Variants in KCNB2 observed in about 807,000 individuals in gnomAD.
The protein encoded by KCNB2 is delayed rectifier potassium channel protein.
In KCNB2, 15 loss-of-function variants were observed where a neutral mutation model predicts 61.5. The observed-to-expected ratio is 0.24, with a 90% CI of 0.16 to 0.38. The LOEUF (loss-of-function observed/expected upper bound fraction) is 0.38, where lower values mean the gene tolerates loss of function less well. KCNB2 is among the 10% of genes least tolerant of loss of function. KCNB2 has a pLI of 1.00. For missense variants in KCNB2, 828 were observed against 1,125.2 expected (o/e 0.74, Z 3.78); for synonymous variants, 457 against 446.0 (o/e 1.02, Z -0.31).
chr8:72,870,573 G>A (rs891018890), intron 2 of KCNB2, among the ~76,000 whole-genome samples: 1 of 152,016 alleles, frequency 6.6e-6, no homozygotes, highest in South Asian at 2.1e-4. Flanking sequence ...ACAGTATAGG[G>A]TAAGGGTTCA....
At chr8:72,745,940 A>T (rs1201964569) in intron 2 of KCNB2, among the ~76,000 whole-genome samples, 5 of 152,172 alleles carry the variant, frequency 3.3e-5, no homozygotes, top group Non-Finnish European at 7.4e-5. Context: ...AAGGGTTTAG[A>T]GGCTACCTCC....
chr8:72,720,797 ACTCAAT>A (rs1222467791), intron 2 of KCNB2, among the ~76,000 whole-genome samples: 1 of 152,214 alleles, frequency 6.6e-6, no homozygotes, highest in Non-Finnish European at 1.5e-5. Context: ...ATGCCACGGT[ACTCAAT>A]CTCAATAACA....
chr8:72,701,683 C>G (rs1418921152), intron 2 of KCNB2, among the ~76,000 whole-genome samples: 1 of 152,062 alleles, frequency 6.6e-6, no homozygotes, highest in Non-Finnish European at 1.5e-5. Flanking sequence ...TGCATGAGTT[C>G]AAGTGTACAG....
At chr8:72,720,292 A>G (rs1289085668) in intron 2 of KCNB2, among the ~76,000 whole-genome samples, 1 of 152,196 alleles carries the variant, frequency 6.6e-6, no homozygotes, top group African/African-American at 2.4e-5. Flanking sequence ...GGTCATGTAT[A>G]GAAGACATGT....
At chr8:72,575,156 A>G (rs575348701) in intron 2 of KCNB2, among the ~76,000 whole-genome samples, 1 of 152,282 alleles carries the variant, frequency 6.6e-6, no homozygotes, top group Admixed American at 6.5e-5. Flanking sequence ...TCATCTGATA[A>G]ATACATGAAA....
At chr8:72,647,756 T>C (rs1806152543) in intron 2 of KCNB2, among the ~76,000 whole-genome samples, 1 of 152,138 alleles carries the variant, frequency 6.6e-6, no homozygotes, top group South Asian at 2.1e-4. Context: ...TCAGTGTACA[T>C]ACAATTAAGG....
chr8:72,665,077 T>C (rs183220570), intron 2 of KCNB2, among the ~76,000 whole-genome samples: 1 of 152,310 alleles, frequency 6.6e-6, no homozygotes, highest in African/African-American at 2.4e-5. Flanking sequence ...ATTTACTCCA[T>C]ATCAGCTGGA....
intron 2 of KCNB2, among the ~76,000 whole-genome samples, chr8:72,577,305 ATGTG>A (rs35626904): frequency 6.7e-6 from 1 of 150,284 alleles, no homozygotes; most frequent in South Asian, 2.1e-4. Flanking sequence ...GTGTGTGTGT[ATGTG>A]TGTGTGTGTG....
chr8:72,616,054 A>G (rs1265313118), intron 2 of KCNB2, among the ~76,000 whole-genome samples: 4 of 151,974 alleles, frequency 2.6e-5, no homozygotes, highest in Admixed American at 6.6e-5. Context: ...TTGACAAGGG[A>G]AAAAAAAGCT....
At position 72,937,164 on chromosome 8, in the gene KCNB2, C is replaced by G; in HGVS notation, c.1809C>G (p.Ile603Met). 1 of 1,614,110 alleles carries G rather than the reference C, an allele frequency of 6.2e-7. No individual in the cohort carries two copies. Among genetic ancestry groups the G allele is most frequent in the Non-Finnish European group, 8.5e-7 (1 of 1,180,008 alleles). The change falls in exon 3 of 3, where the codon ATC becomes ATG. Residue 603 changes from isoleucine (I) to methionine (M), a missense_variant. By Grantham distance (10) the Ile-to-Met change is conservative. Around this residue, in one of 4 missense-constraint regions of KCNB2, gnomAD observed 559 missense variants for 588.4 expected, o/e 0.95. Coordinates refer to ENST00000523207, the MANE Select transcript of KCNB2 (RefSeq NM_004770.3). ...VIVDMKSTSSIDSFTSCATDF... is the reference protein window; with the variant it reads ...VIVDMKSTSSMDSFTSCATDF... ...TGGACATGAAGAGCACCTCCAGCAT[C>G]GACAGCTTCACCAGCTGTGCCACCG... is the stretch of plus-strand genomic sequence containing the variant.
At chr8:72,550,250 C>T (rs1258336596) in intron 1 of KCNB2, among the ~76,000 whole-genome samples, 1 of 152,228 alleles carries the variant, frequency 6.6e-6, no homozygotes, top group Admixed American at 6.5e-5. Context: ...GAAAGCAATT[C>T]TTTCCCCAGG....
At chr8:72,688,153 CT>C (rs925579556) in intron 2 of KCNB2, among the ~76,000 whole-genome samples, 2 of 152,224 alleles carry the variant, frequency 1.3e-5, no homozygotes, top group Non-Finnish European at 2.9e-5. Flanking sequence ...GTCCTCCACA[CT>C]AATATGAAAA....
At chr8:72,899,768 T>G (rs574835671) in intron 2 of KCNB2, among the ~76,000 whole-genome samples, 1 of 152,220 alleles carries the variant, frequency 6.6e-6, no homozygotes, top group Admixed American at 6.5e-5. Context: ...CCTCATAGAT[T>G]GGGCGCCACA....
intron 2 of KCNB2, among the ~76,000 whole-genome samples, chr8:72,637,780 G>C (rs147734902): frequency 1.3e-3 from 194 of 152,230 alleles, no homozygotes; most frequent in Admixed American, 2.0e-3. Flanking sequence ...CACTAAAGAC[G>C]TGCCATCAAG....
chr8:72,910,202 G>A (rs1417291792), intron 2 of KCNB2, among the ~76,000 whole-genome samples: 2 of 152,124 alleles, frequency 1.3e-5, no homozygotes, highest in African/African-American at 2.4e-5. Flanking sequence ...TACTTCATAG[G>A]CTATTGAGAG....
At chr8:72,666,506 G>A (rs1240652774) in intron 2 of KCNB2, among the ~76,000 whole-genome samples, 1 of 152,108 alleles carries the variant, frequency 6.6e-6, no homozygotes, top group Non-Finnish European at 1.5e-5. Context: ...TCTTGATTTT[G>A]TAAAGAAGAA....
chr8:72,613,136 G>A (rs1390042618), intron 2 of KCNB2, among the ~76,000 whole-genome samples: 1 of 152,098 alleles, frequency 6.6e-6, no homozygotes, highest in Non-Finnish European at 1.5e-5. Flanking sequence ...TATCATTATT[G>A]TGTTTTCCAC....
intron 2 of KCNB2, among the ~76,000 whole-genome samples, chr8:72,815,879 T>G (rs12675061): frequency 4.6e-5 from 7 of 152,006 alleles, no homozygotes; most frequent in Non-Finnish European, 8.8e-5. Context: ...ATGAAAAGCT[T>G]GTGAGAACTA....
chr8:72,863,830 C>T (rs939843620), intron 2 of KCNB2, among the ~76,000 whole-genome samples: 3 of 152,100 alleles, frequency 2.0e-5, no homozygotes, highest in Non-Finnish European at 4.4e-5. Flanking sequence ...GGCAACATGG[C>T]GAAACCTCGT....
Sources: gnomAD v4.1 joint callset for allele counts (sites outside exome capture counted in the v4.1 genomes callset) on GRCh38, gnomAD v4.1.1 for gene constraint, gnomAD v4.1.1 regional missense constraint, MANE v1.5 for transcripts, NCBI Gene and HGNC (gene_info 2026-07-23, HGNC 2026-07-21) for gene names.